The following PHACTR1 variants were observed in gnomAD, a reference collection of about 807,000 sequenced individuals.
PHACTR1 encodes the protein RPEL repeat containing 1.
In PHACTR1, 16 loss-of-function variants were observed where a neutral mutation model predicts 69.2. That is an observed-to-expected ratio of 0.23 (90% CI 0.16 to 0.35). The LOEUF (loss-of-function observed/expected upper bound fraction) is 0.35. PHACTR1 is among the 10% of genes least tolerant of loss of function. The probability of loss-of-function intolerance (pLI) is 1.00; values close to 1 mark genes in which losing one functional copy is unlikely to be tolerated. For missense variants in PHACTR1, 510 were observed against 734.7 expected (o/e 0.69, Z 3.54); for synonymous variants, 312 against 284.5 (o/e 1.10, Z -0.97).
chr6:13,269,879 T>C (rs114277506), intron 10 of PHACTR1, among the ~76,000 whole-genome samples: 3,116 of 152,274 alleles, frequency 0.02, 48 homozygotes, highest in Middle Eastern at 0.051. Flanking sequence ...CTCTCACACT[T>C]AACACACTTC....
intron 4 of PHACTR1, among the ~76,000 whole-genome samples, chr6:12,756,604 C>T (rs560673157): frequency 2.4e-4 from 36 of 152,120 alleles, no homozygotes; most frequent in East Asian, 5.8e-4. Context: ...AATGTAAGTG[C>T]GGTGTAAAAG....
At chr6:13,154,209 G>C (rs775732998) in intron 5 of PHACTR1, among the ~76,000 whole-genome samples, 5 of 152,056 alleles carry the variant, frequency 3.3e-5, no homozygotes, top group Non-Finnish European at 7.4e-5. Context: ...CTGTTGCCCA[G>C]GCTGGAGTGT....
intron 4 of PHACTR1, among the ~76,000 whole-genome samples, chr6:12,796,927 A>G (rs1422970755): frequency 6.6e-6 from 1 of 152,072 alleles, no homozygotes; most frequent in Non-Finnish European, 1.5e-5. Flanking sequence ...GAAATGTGCT[A>G]ACAAACTTGC....
intron 4 of PHACTR1, among the ~76,000 whole-genome samples, chr6:12,859,265 A>G: frequency 6.6e-6 from 1 of 152,190 alleles, no homozygotes; most frequent in South Asian, 2.1e-4. Context: ...AATACCCTAC[A>G]CATACTTTTT....
intron 4 of PHACTR1, among the ~76,000 whole-genome samples, chr6:12,931,811 C>T (rs1324522257): frequency 6.6e-6 from 1 of 151,732 alleles, no homozygotes; most frequent in Non-Finnish European, 1.5e-5. Flanking sequence ...GCTTAACATG[C>T]ATTTCAATTG....
chr6:12,952,670 G>A (rs1227472232), intron 4 of PHACTR1, among the ~76,000 whole-genome samples: 2 of 152,198 alleles, frequency 1.3e-5, no homozygotes, highest in Admixed American at 6.5e-5. Context: ...GCATAAAGCC[G>A]CTATCCTTGT....
chr6:13,058,603 G>A (rs1442346515), intron 5 of PHACTR1, among the ~76,000 whole-genome samples: 2 of 152,152 alleles, frequency 1.3e-5, no homozygotes, highest in Admixed American at 6.5e-5. Flanking sequence ...TAAAGGTAAA[G>A]TCTCACCTGT....
Position 12,761,668 on chromosome 6 carries a change from C to G in PHACTR1, c.250+11878C>G, listed in dbSNP as rs536021649. 9.8e-5 allele frequency among the ~76,000 whole-genome samples: 15 copies of G among 152,300 alleles called. No individual in the cohort carries two copies. In the South Asian group the frequency reaches 2.7e-3, roughly 27 times the overall value. ...CGTAGGCTGCTAGTCCAACTTAGCC[C>G]AAGGCAGACACTCAGCCAAGTAACC... On this transcript the variant is annotated intron_variant, in intron 4 of 14. Transcript: ENST00000332995.
chr6:13,138,082 T>C (rs1388942180), intron 5 of PHACTR1, among the ~76,000 whole-genome samples: 2 of 152,200 alleles, frequency 1.3e-5, no homozygotes, highest in Non-Finnish European at 2.9e-5. Flanking sequence ...CTCAACTTTA[T>C]GGAAACTAAA....
chr6:12,752,522 T>C (rs1766750140), intron 4 of PHACTR1, among the ~76,000 whole-genome samples: 1 of 152,232 alleles, frequency 6.6e-6, no homozygotes, highest in African/African-American at 2.4e-5. Flanking sequence ...ATATTTGCTT[T>C]CCCACACCAG....
At chr6:13,267,073 A>G (rs535462917) in intron 10 of PHACTR1, 1 of 152,338 alleles carries the variant, frequency 6.6e-6, no homozygotes, top group East Asian at 1.9e-4. Context: ...GTGCCTCACC[A>G]TGGAAGCCCT....
intron 9 of PHACTR1, among the ~76,000 whole-genome samples, chr6:13,229,358 C>T (rs1413716495): frequency 6.6e-6 from 1 of 152,150 alleles, no homozygotes; most frequent in African/African-American, 2.4e-5. Flanking sequence ...AGCAAAATCA[C>T]CACTGGTTGA....
chr6:12,723,184 G>T (rs1762340795), intron 3 of PHACTR1, among the ~76,000 whole-genome samples: 1 of 152,032 alleles, frequency 6.6e-6, no homozygotes, highest in Non-Finnish European at 1.5e-5. Flanking sequence ...CCAGCCCCAG[G>T]CTCCAGTGCC....
chr6:13,004,511 T>C (rs1031735387), intron 4 of PHACTR1, among the ~76,000 whole-genome samples: 2 of 152,230 alleles, frequency 1.3e-5, no homozygotes, highest in Non-Finnish European at 2.9e-5. Context: ...GAGTTCTTTG[T>C]AGATTCTGAA....
chr6:12,848,284 C>T (rs528525720), intron 4 of PHACTR1, among the ~76,000 whole-genome samples: 27 of 152,294 alleles, frequency 1.8e-4, no homozygotes, highest in African/African-American at 5.5e-4. Context: ...AAGATTTGTC[C>T]ATTTTCTCTG....
intron 5 of PHACTR1, among the ~76,000 whole-genome samples, chr6:13,095,899 A>G (rs1327289712): frequency 6.6e-5 from 10 of 152,058 alleles, no homozygotes. Flanking sequence ...CAAGAAAACA[A>G]GTGGATAGGA....
At chr6:12,760,864 C>T (rs1040264923) in intron 4 of PHACTR1, among the ~76,000 whole-genome samples, 21 of 152,150 alleles carry the variant, frequency 1.4e-4, no homozygotes, top group Admixed American at 6.5e-5. Context: ...ATCCGGGAGG[C>T]GCAAGATGAA....
intron 4 of PHACTR1, among the ~76,000 whole-genome samples, chr6:12,850,813 C>T (rs566947412): frequency 7.2e-5 from 11 of 152,130 alleles, no homozygotes; most frequent in Non-Finnish European, 1.3e-4. Flanking sequence ...TCTTCCTGCA[C>T]GTGCCTCTGT....
At chr6:13,231,657 TTATG>T (rs567048039) in intron 10 of PHACTR1, among the ~76,000 whole-genome samples, 101 of 152,368 alleles carry the variant, frequency 6.6e-4, no homozygotes, top group African/African-American at 2.3e-3. Flanking sequence ...TGATTGCCCT[TTATG>T]TATGGATATT....
Sources: gnomAD v4.1 joint callset for allele counts (sites outside exome capture counted in the v4.1 genomes callset) on GRCh38, gnomAD v4.1.1 for gene constraint, MANE v1.5 for transcripts, NCBI Gene and HGNC (gene_info 2026-07-23, HGNC 2026-07-21) for gene names.